FRMPD4: variants seen among roughly 807,000 people sequenced by gnomAD.
The protein encoded by FRMPD4 is FERM and PDZ domain containing 4, also known as FERM and PDZ domain-containing protein 4.
Under a neutral mutation model 94.1 loss-of-function variants are expected in FRMPD4, and 22 were observed. The observed-to-expected ratio is 0.23, with a 90% CI of 0.17 to 0.33. The LOEUF (loss-of-function observed/expected upper bound fraction) is 0.33. Among genes scored for constraint, FRMPD4 ranks in the 10% least tolerant of loss-of-function variants. The pLI, the probability that FRMPD4 is intolerant of heterozygous loss-of-function variation, is 1.00. For synonymous variants in FRMPD4, 631 were observed against 548.6 expected (o/e 1.15, Z -2.10); for missense variants, 1,111 against 1,339.9 (o/e 0.83, Z 2.67).
At chrX:12,457,878 A>C (rs922559936) in intron 1 of FRMPD4, among the ~76,000 whole-genome samples, 3 of 112,150 alleles carry the variant, frequency 2.7e-5, no homozygotes, top group Non-Finnish European at 5.6e-5. Flanking sequence ...CAAGGAGTTA[A>C]GATAGCAAGC....
chrX:11,857,773 C>T (rs1018465836), intron 1 of FRMPD4, among the ~76,000 whole-genome samples: 1 of 112,478 alleles, frequency 8.9e-6, no homozygotes, highest in African/African-American at 3.2e-5. Flanking sequence ...AAACAGACAA[C>T]CTATAGAATA....
intron 3 of FRMPD4, among the ~76,000 whole-genome samples, chrX:12,078,351 C>A (rs2055036978): frequency 8.9e-6 from 1 of 112,170 alleles, no homozygotes. Flanking sequence ...TTAGAAGCAT[C>A]CACACTCAAG....
chrX:12,336,676 A>G (rs1238991557), intron 1 of FRMPD4, among the ~76,000 whole-genome samples: 2 of 111,446 alleles, frequency 1.8e-5, no homozygotes, highest in African/African-American at 3.3e-5. Context: ...ACCTTTCTCC[A>G]TAACATCTAT....
intron 1 of FRMPD4, among the ~76,000 whole-genome samples, chrX:11,847,907 A>G (rs2053589005): frequency 1.0e-5 from 1 of 95,841 alleles, no homozygotes; most frequent in African/African-American, 3.9e-5. Context: ...GGGGAGGGTT[A>G]GCGTTAGGAG....
At chrX:12,667,027 A>G (rs1184302966) in intron 4 of FRMPD4, among the ~76,000 whole-genome samples, 1 of 112,637 alleles carries the variant, frequency 8.9e-6, no homozygotes, top group African/African-American at 3.2e-5. Flanking sequence ...GTTCAACACT[A>G]TGAAGTGAGA....
intron 3 of FRMPD4, among the ~76,000 whole-genome samples, chrX:12,064,391 C>T (rs1366611482): frequency 9.0e-6 from 1 of 111,641 alleles, no homozygotes; most frequent in Non-Finnish European, 1.9e-5. Flanking sequence ...ATATCCCTGG[C>T]ACAGATTTGA....
At chrX:12,698,264 C>G (rs2060153695) in intron 9 of FRMPD4, among the ~76,000 whole-genome samples, 1 of 111,647 alleles carries the variant, frequency 9.0e-6, no homozygotes, top group Non-Finnish European at 1.9e-5. Flanking sequence ...ACATATTTTA[C>G]AGATTTTAGC....
In FRMPD4 at chrX:12,603,572, T is replaced by C. The variant is rs2059103313; in HGVS notation, c.159-6149T>C. Among the ~76,000 whole-genome samples the C allele has an allele frequency of 3.6e-5, 4 of 111,733 alleles. No individual in the cohort carries two copies. In the Admixed American group the frequency reaches 3.8e-4, roughly 11 times the overall value. ...TCAGAAACAGGAAGATTGCTCACTT[T>C]ATCTTGATGGACATATTTTCCATTT... is the stretch of plus-strand genomic sequence containing the variant. On this transcript the variant is annotated intron_variant, in intron 2 of 16. Coordinates refer to ENST00000675598, the MANE Select transcript of FRMPD4 (RefSeq NM_001368397.1).
chrX:12,264,940 A>G (rs1411380168), intron 1 of FRMPD4, among the ~76,000 whole-genome samples: 2 of 112,141 alleles, frequency 1.8e-5, no homozygotes, highest in Admixed American at 9.5e-5. Flanking sequence ...TAAGAGCTGT[A>G]GTATAAAGTA....
intron 14 of FRMPD4, 68 bp from the exon 15 acceptor site, chrX:12,716,001 T>TGGGGGCCCCCCC: frequency 4.3e-6 from 1 of 231,656 alleles, no homozygotes. Context: ...GAGACGAGCC[T>TGGGGGCCCCCCC]CCCACCCCCG....
intron 14 of FRMPD4, 104 bp from the exon 15 acceptor site, chrX:12,715,965 G>A: frequency 8.7e-6 from 4 of 460,473 alleles, no homozygotes; most frequent in Non-Finnish European, 1.5e-5. Flanking sequence ...CATAAGTGAT[G>A]CTACAAGCCA....
intron 4 of FRMPD4, among the ~76,000 whole-genome samples, chrX:12,619,723 T>C (rs928266953): frequency 8.9e-6 from 1 of 112,369 alleles, no homozygotes; most frequent in South Asian, 3.7e-4. Context: ...TTGGCCCCAG[T>C]TGTGGACCCT....
chrX:12,579,468 G>A (rs754007709), intron 2 of FRMPD4, among the ~76,000 whole-genome samples: 10 of 111,657 alleles, frequency 9.0e-5, no homozygotes, highest in Non-Finnish European at 1.7e-4. Flanking sequence ...TTCAGCTTCC[G>A]GGACAATCGG....
intron 1 of FRMPD4, among the ~76,000 whole-genome samples, chrX:12,496,418 C>T (rs1296103694): frequency 9.0e-6 from 1 of 111,439 alleles, no homozygotes; most frequent in African/African-American, 3.3e-5. Flanking sequence ...TTTCTGGGAC[C>T]TGGTAATCTG....
At chrX:12,283,773 A>G (rs905689233) in intron 1 of FRMPD4, among the ~76,000 whole-genome samples, 1 of 111,471 alleles carries the variant, frequency 9.0e-6, no homozygotes, top group Non-Finnish European at 1.9e-5. Context: ...TGTGCTTGAT[A>G]TTTTCTTAAC....
intron 1 of FRMPD4, among the ~76,000 whole-genome samples, chrX:12,329,868 A>C (rs2055344734): frequency 9.1e-6 from 1 of 109,410 alleles, no homozygotes; most frequent in Non-Finnish European, 1.9e-5. Context: ...AAAAAAAAAA[A>C]AAAAAACAAC....
chrX:12,542,400 C>A (rs772192822), intron 2 of FRMPD4, among the ~76,000 whole-genome samples: 2 of 112,499 alleles, frequency 1.8e-5, no homozygotes, highest in Admixed American at 1.9e-4. Flanking sequence ...TCTCAGGATA[C>A]AAAATCAATG....
At chrX:12,091,211 G>A (rs2055151060) in intron 3 of FRMPD4, among the ~76,000 whole-genome samples, 1 of 111,445 alleles carries the variant, frequency 9.0e-6, no homozygotes, top group African/African-American at 3.3e-5. Context: ...GAGCTTCAAG[G>A]ACATTGCTGC....
intron 1 of FRMPD4, among the ~76,000 whole-genome samples, chrX:12,249,977 A>C (rs2054010675): frequency 9.1e-6 from 1 of 110,275 alleles, no homozygotes; most frequent in South Asian, 4.0e-4. Flanking sequence ...CAGACTATAC[A>C]TATTTAAGCT....
Sources: allele counts gnomAD v4.1 joint callset (sites outside exome capture counted in the v4.1 genomes callset), GRCh38; gene constraint gnomAD v4.1.1; transcripts MANE v1.5; gene names NCBI Gene and HGNC (gene_info 2026-07-23, HGNC 2026-07-21).